The following TSHZ3 variants were observed in gnomAD, a reference collection of about 807,000 sequenced individuals.
The protein encoded by TSHZ3 is teashirt zinc finger homeobox 3.
TSHZ3 carries 10 observed loss-of-function variants against 64.5 expected under a neutral mutation model. That is an observed-to-expected ratio of 0.16 (90% CI 0.10 to 0.26). TSHZ3 has a LOEUF of 0.26. TSHZ3 is among the 10% of genes least tolerant of loss of function. TSHZ3 has a pLI of 1.00. For missense variants in TSHZ3, 1,242 were observed against 1,421.7 expected (o/e 0.87, Z 2.03); for synonymous variants, 608 against 593.1 (o/e 1.03, Z -0.36).
At chr19:31,343,822 A>C (rs989056884) in intron 1 of TSHZ3, among the ~76,000 whole-genome samples, 2 of 151,982 alleles carry the variant, frequency 1.3e-5, no homozygotes, top group African/African-American at 4.8e-5. Flanking sequence ...CAGGGGAAAA[A>C]TATTGATAGC....
chr19:31,333,465 C>T (rs1376790428), intron 1 of TSHZ3, among the ~76,000 whole-genome samples: 1 of 152,148 alleles, frequency 6.6e-6, no homozygotes, highest in Non-Finnish European at 1.5e-5. Flanking sequence ...CGGCCCTTTT[C>T]ACCCGCATAT....
chr19:31,228,313 C>A (rs1975497172), intron 3 of TSHZ3, among the ~76,000 whole-genome samples: 2 of 151,968 alleles, frequency 1.3e-5, no homozygotes, highest in Non-Finnish European at 2.9e-5. Flanking sequence ...ATTGCTTGAG[C>A]CCAGGAGTTC....
intron 5 of TSHZ3, among the ~76,000 whole-genome samples, chr19:31,190,894 T>TA (rs57435007): frequency 5.9e-5 from 9 of 151,782 alleles, no homozygotes; most frequent in Admixed American, 1.3e-4. Context: ...AATTCTAGAA[T>TA]AAAAAAAATG....
chr19:31,235,462 C>T (rs1172826126), intron 3 of TSHZ3, among the ~76,000 whole-genome samples: 2 of 151,882 alleles, frequency 1.3e-5, no homozygotes, highest in African/African-American at 4.8e-5. Flanking sequence ...TCTGTCTCTA[C>T]CTGACTTATA....
At chr19:31,200,955 T>C (rs1412106254) in intron 5 of TSHZ3, among the ~76,000 whole-genome samples, 1 of 152,128 alleles carries the variant, frequency 6.6e-6, no homozygotes. Flanking sequence ...AAATACCACA[T>C]ATTAAACTGT....
chr19:31,346,796 C>A lies in TSHZ3; in HGVS notation c.40+2384G>T, dbSNP rs1177777163. ...GTCCATCCAAACAAACAAACCACCC[C>A]CAAAAAAAAAACCTCTGTGCATACT... is the stretch of plus-strand genomic sequence containing the variant. On this transcript the variant is annotated intron_variant, in intron 1 of 1. Coordinates refer to ENST00000240587, the MANE Select transcript of TSHZ3 (RefSeq NM_020856.4). Among the ~76,000 whole-genome samples the A allele has an allele frequency of 4.1e-4, 60 of 145,244 alleles. 1 individual carries two copies. The highest frequency in any genetic ancestry group is 9.1e-4 in the African/African-American group (36 of 39,596).
chr19:31,176,555 A>G (rs1046545428), intron 5 of TSHZ3, among the ~76,000 whole-genome samples: 2 of 152,198 alleles, frequency 1.3e-5, no homozygotes, highest in African/African-American at 2.4e-5. Flanking sequence ...GCACTTTGGG[A>G]GGCCAAGTGG....
At chr19:31,236,142 A>C (rs1051581572) in intron 3 of TSHZ3, among the ~76,000 whole-genome samples, 1 of 152,206 alleles carries the variant, frequency 6.6e-6, no homozygotes, top group African/African-American at 2.4e-5. Flanking sequence ...TATATCCAGA[A>C]GTGAGACAGC....
intron 1 of TSHZ3, among the ~76,000 whole-genome samples, chr19:31,290,998 G>A (rs556104038): frequency 1.3e-5 from 2 of 152,346 alleles, no homozygotes; most frequent in East Asian, 1.9e-4. Context: ...AAGCTGCAAT[G>A]CTTTCATCCC....
At chr19:31,324,238 T>A (rs1916867379) in intron 1 of TSHZ3, among the ~76,000 whole-genome samples, 1 of 152,218 alleles carries the variant, frequency 6.6e-6, no homozygotes, top group Non-Finnish European at 1.5e-5. Context: ...AGTAGACTTG[T>A]GAGTTTTCCA....
chr19:31,278,890 T>C lies in TSHZ3; in HGVS notation c.903A>G (p.Gln301=), dbSNP rs61747216. ...SVHMIKTKHY[Q]KVPLKEPVTP... is the part of the protein sequence containing the mutation. The stretch of plus-strand genomic sequence containing the variant: ...TGACGGGTTCCTTCAGAGGCACTTT[T>C]TGGTAGTGTTTTGTTTTGATCATAT... The change falls in exon 2 of 2, where the codon CAA becomes CAG. Residue 301 remains glutamine (Q), a synonymous_variant. Transcript: ENST00000240587. This position sits in a 1 kb window ranked among gnomAD's most constrained non-coding sequence, Gnocchi z 4.7. 5.4e-4 allele frequency: 872 copies of C among 1,614,024 alleles called. 4 individuals are homozygous for C. The African/African-American group carries it at 9.7e-3, about 18-fold the overall frequency.
At chr19:31,168,846 C>T (rs1233809997) in intron 5 of TSHZ3, among the ~76,000 whole-genome samples, 1 of 152,122 alleles carries the variant, frequency 6.6e-6, no homozygotes, top group African/African-American at 2.4e-5. Context: ...CTGCTGCATA[C>T]TTGGATAGTG....
chr19:31,299,103 G>C (rs1976711964), intron 1 of TSHZ3, among the ~76,000 whole-genome samples: 1 of 152,220 alleles, frequency 6.6e-6, no homozygotes. Context: ...GCTAAGGCAG[G>C]AGAATTGCTT....
At chr19:31,315,645 G>T (rs910329936) in intron 1 of TSHZ3, among the ~76,000 whole-genome samples, 3 of 152,310 alleles carry the variant, frequency 2.0e-5, no homozygotes, top group Middle Eastern at 3.4e-3. Context: ...AAATAAAAAG[G>T]GGCTAAAATC....
intron 1 of TSHZ3, among the ~76,000 whole-genome samples, chr19:31,307,550 T>A (rs1411523026): frequency 3.3e-5 from 5 of 152,204 alleles, no homozygotes; most frequent in African/African-American, 1.2e-4. Flanking sequence ...GCGTGATGAA[T>A]GGCAAAGCCA....
At chr19:31,316,854 AAC>A (rs1916616932) in intron 1 of TSHZ3, among the ~76,000 whole-genome samples, 1 of 152,150 alleles carries the variant, frequency 6.6e-6, no homozygotes, top group Non-Finnish European at 1.5e-5. Context: ...TGTGTCACTG[AAC>A]AGTCTTTCTA....
intron 1 of TSHZ3, among the ~76,000 whole-genome samples, chr19:31,251,493 C>T (rs992413149): frequency 2.0e-5 from 3 of 152,168 alleles, no homozygotes; most frequent in South Asian, 4.1e-4. Context: ...GCAACAGGCA[C>T]CTCTTTGACC....
exon 3 of TSHZ3, among the ~76,000 whole-genome samples, chr19:31,242,499 A>G (rs1420849598): frequency 2.0e-5 from 3 of 152,188 alleles, no homozygotes; most frequent in Non-Finnish European, 4.4e-5. Flanking sequence ...AGGCAGCAGA[A>G]GATGGGTGCC....
At chr19:31,158,629 C>T (rs910377451) in intron 5 of TSHZ3, among the ~76,000 whole-genome samples, 10 of 152,128 alleles carry the variant, frequency 6.6e-5, no homozygotes, top group Non-Finnish European at 1.5e-4. Context: ...TTATTGTGCA[C>T]TTTATTGCTA....
Sources: gnomAD v4.1 joint callset for allele counts (sites outside exome capture counted in the v4.1 genomes callset) on GRCh38, gnomAD v4.1.1 for gene constraint, Gnocchi (gnomAD v3.1) non-coding constraint, MANE v1.5 for transcripts, NCBI Gene and HGNC (gene_info 2026-07-23, HGNC 2026-07-21) for gene names.